Variants in PCDH15 observed in about 807,000 individuals in gnomAD.
PCDH15 encodes protocadherin-15.
Under a neutral mutation model 178.5 loss-of-function variants are expected in PCDH15, and 129 were observed. That is an observed-to-expected ratio of 0.72 (90% CI 0.63 to 0.84). PCDH15 has a LOEUF of 0.84. Ranked by LOEUF, PCDH15 falls within the 40% of genes least tolerant of loss-of-function variation. The probability of loss-of-function intolerance (pLI) is 0.00; values close to 1 mark genes in which losing one functional copy is unlikely to be tolerated. For missense variants in PCDH15, 2,230 were observed against 2,099.9 expected (o/e 1.06, Z -1.21); for synonymous variants, 800 against 732.0 (o/e 1.09, Z -1.50).
At chr10:55,253,097 G>C (rs1006993761) in intron 1 of PCDH15, among the ~76,000 whole-genome samples, 1 of 152,032 alleles carries the variant, frequency 6.6e-6, no homozygotes, top group Non-Finnish European at 1.5e-5. Flanking sequence ...CTATTATGAA[G>C]TTTCAATTAT....
chr10:54,156,258 G>T (rs1312638034), intron 13 of PCDH15, among the ~76,000 whole-genome samples: 1 of 151,996 alleles, frequency 6.6e-6, no homozygotes, highest in African/African-American at 2.4e-5. Context: ...TTCAACATGT[G>T]CATATTCCAA....
At chr10:53,811,472 A>G in intron 36 of PCDH15, 77 bp downstream of exon 36, 1 of 886,290 alleles carries the variant, frequency 1.1e-6, no homozygotes, top group Non-Finnish European at 1.7e-6. Flanking sequence ...AAATTCTAGT[A>G]ATAATAATCA....
intron 18 of PCDH15, among the ~76,000 whole-genome samples, chr10:54,042,465 A>T (rs1383061929): frequency 2.6e-5 from 4 of 152,114 alleles, no homozygotes; most frequent in Admixed American, 6.6e-5. Context: ...TGGGGTACTC[A>T]GTGAAGTCAT....
intron 2 of PCDH15, among the ~76,000 whole-genome samples, chr10:54,972,652 A>T (rs1011152492): frequency 1.3e-5 from 2 of 151,948 alleles, no homozygotes; most frequent in African/African-American, 4.8e-5. Flanking sequence ...GATCGAAACC[A>T]TCCTGGGTAA....
chr10:54,355,732 C>T (rs1418370), intron 5 of PCDH15, among the ~76,000 whole-genome samples: 5,437 of 152,106 alleles, frequency 0.036, 316 homozygotes, highest in African/African-American at 0.12. Flanking sequence ...GGAAACTCTT[C>T]TTCAAATAAT....
chr10:54,527,303 G>A (rs1176410175), intron 3 of PCDH15, among the ~76,000 whole-genome samples: 1 of 152,108 alleles, frequency 6.6e-6, no homozygotes, highest in African/African-American at 2.4e-5. Context: ...TGAAAATTCA[G>A]ACTTCTTTCT....
At chr10:53,907,708 CT>C (rs2082775803) in intron 25 of PCDH15, among the ~76,000 whole-genome samples, 1 of 152,062 alleles carries the variant, frequency 6.6e-6, no homozygotes, top group Admixed American at 6.6e-5. Context: ...GAGATACCTT[CT>C]TGCAATGTTT....
chr10:54,053,176 C>T (rs141931035), intron 18 of PCDH15, among the ~76,000 whole-genome samples: 1,720 of 152,136 alleles, frequency 0.011, 18 homozygotes, highest in Middle Eastern at 0.024. Flanking sequence ...AATATCAAAG[C>T]TTTTTATTTA....
chr10:55,266,804 C>T (rs963385274), intron 1 of PCDH15, among the ~76,000 whole-genome samples: 1 of 152,152 alleles, frequency 6.6e-6, no homozygotes, highest in African/African-American at 2.4e-5. Flanking sequence ...AGCCACTAAG[C>T]GGCCTACTCC....
At chr10:54,706,811 A>G (rs10763128) in intron 1 of PCDH15, among the ~76,000 whole-genome samples, 102,446 of 151,792 alleles carry the variant, frequency 0.67, 36,169 homozygotes, top group Middle Eastern at 0.82. Context: ...TTTACTAGAG[A>G]CGGGTTTCAC....
intron 2 of PCDH15, among the ~76,000 whole-genome samples, chr10:55,015,881 A>G (rs1436409085): frequency 6.6e-6 from 1 of 152,000 alleles, no homozygotes; most frequent in African/African-American, 2.4e-5. Flanking sequence ...ATTTTTCAGA[A>G]CCCACAGGAG....
At chr10:54,015,862 C>G (rs940671260) in intron 20 of PCDH15, among the ~76,000 whole-genome samples, 1 of 121,680 alleles carries the variant, frequency 8.2e-6, no homozygotes, top group Non-Finnish European at 1.7e-5. Context: ...AACAGAGATG[C>G]CAAAAGCAAT....
chr10:53,991,345 G>C (rs558163659), intron 21 of PCDH15, among the ~76,000 whole-genome samples: 1 of 152,194 alleles, frequency 6.6e-6, no homozygotes, highest in African/African-American at 2.4e-5. Context: ...TCAGCACTCT[G>C]TGTCTAGCTT....
intron 2 of PCDH15, among the ~76,000 whole-genome samples, chr10:55,513,830 T>C (rs1173627588): frequency 6.6e-6 from 1 of 152,114 alleles, no homozygotes; most frequent in Non-Finnish European, 1.5e-5. Context: ...GAATACTTTA[T>C]GAGAAGCTAT....
At chr10:55,531,770 C>T (rs1384891840) in intron 2 of PCDH15, among the ~76,000 whole-genome samples, 2 of 152,000 alleles carry the variant, frequency 1.3e-5, no homozygotes, top group African/African-American at 2.4e-5. Flanking sequence ...AACTACTAAG[C>T]ACAAAGAATT....
chr10:55,096,520 C>A (rs1256016294), intron 2 of PCDH15, among the ~76,000 whole-genome samples: 2 of 152,034 alleles, frequency 1.3e-5, no homozygotes, highest in Non-Finnish European at 2.9e-5. Context: ...CTACTTTTAG[C>A]AAATTTCAAG....
chr10:54,910,687 G>T (rs1954801498), intron 2 of PCDH15, among the ~76,000 whole-genome samples: 1 of 152,054 alleles, frequency 6.6e-6, no homozygotes, highest in Non-Finnish European at 1.5e-5. Flanking sequence ...ATTTTCAACT[G>T]ATTTTTATCC....
At chr10:53,908,505 G>C (rs1052611405) in intron 25 of PCDH15, among the ~76,000 whole-genome samples, 2 of 152,126 alleles carry the variant, frequency 1.3e-5, no homozygotes, top group African/African-American at 4.8e-5. Flanking sequence ...ATAAAGTCAA[G>C]GGCTCAAGCC....
chr10:54,022,959 G>A lies in PCDH15; in HGVS notation c.2459C>T (p.Thr820Ile), dbSNP rs1467045810. The A allele has an allele frequency of 6.2e-7, 1 of 1,613,770 alleles. No individual in the cohort carries two copies. The highest frequency in any genetic ancestry group is 2.2e-5 in the East Asian group (1 of 44,864). Residue 820 changes from threonine (T) to isoleucine (I), a missense_variant, in exon 19 of 38, where the codon ACC (threonine) becomes ATC (isoleucine). By Grantham distance (89) the Thr-to-Ile change is moderately conservative (BLOSUM62 -1). Coordinates refer to ENST00000644397, the MANE Select transcript of PCDH15 (RefSeq NM_001384140.1). ...AACAAGGACAGTGTATGTTGAATTG[G>A]TGAACACAGGACTGTTATCATCAAT... ...LDIDDNSPVFTNSTYTVLVEE... is the reference protein window; with the variant it reads ...LDIDDNSPVFINSTYTVLVEE...
Sources: gnomAD v4.1 joint callset for allele counts (sites outside exome capture counted in the v4.1 genomes callset) on GRCh38, gnomAD v4.1.1 for gene constraint, MANE v1.5 for transcripts, NCBI Gene and HGNC (gene_info 2026-07-23, HGNC 2026-07-21) for gene names.